TMEM87B: variants seen among roughly 807,000 people sequenced by gnomAD.
TMEM87B encodes the protein transmembrane protein 87B.
A neutral mutation model predicts 80.3 loss-of-function variants in TMEM87B; 83 were observed. The ratio of observed to expected loss-of-function variants is 1.03; its 90% CI spans 0.87 to 1.24. The LOEUF is 1.24. TMEM87B is among the 50% of genes most tolerant of loss of function. The pLI is 0.00. For synonymous variants in TMEM87B, 219 were observed against 230.5 expected (o/e 0.95, Z 0.45); for missense variants, 625 against 674.4 (o/e 0.93, Z 0.81).
At position 112,116,201 on chromosome 2, in the gene TMEM87B, A is replaced by T; in HGVS notation, c.*58A>T. 6.8e-7 allele frequency: 1 copy of T among 1,463,314 alleles called. No individual in the cohort carries two copies. The highest frequency in any genetic ancestry group is 9.4e-7 in the Non-Finnish European group (1 of 1,065,552). The allele number at this position is 1,463,314 out of a possible 1,614,324, so 90.6% of individuals were successfully genotyped here. On this transcript the variant is annotated 3_prime_UTR_variant, in exon 19 of 19. Transcript: ENST00000283206. The stretch of plus-strand genomic sequence containing the variant: ...GAAGGACTATCCTTCATCAAGACTG[A>T]AAGTGAGCTTTGATTTGATATTGCC...
intron 11 of TMEM87B, among the ~76,000 whole-genome samples, chr2:112,094,161 CTTTTTTT>C (rs755031584): frequency 7.8e-6 from 1 of 128,736 alleles, no homozygotes; most frequent in Non-Finnish European, 1.7e-5. Flanking sequence ...ATTTCTTGTT[CTTTTTTT>C]TTTTTTTTTT....
At chr2:112,091,076 G>A (rs1679283463) in intron 10 of TMEM87B, among the ~76,000 whole-genome samples, 1 of 152,002 alleles carries the variant, frequency 6.6e-6, no homozygotes. Flanking sequence ...CATATATATT[G>A]TATTCCTTTA....
intron 8 of TMEM87B, among the ~76,000 whole-genome samples, 178 bp from the exon 9 acceptor site, chr2:112,085,827 G>A (rs1679128010): frequency 6.6e-6 from 1 of 152,224 alleles, no homozygotes; most frequent in Non-Finnish European, 1.5e-5. Flanking sequence ...CTTGAGGCGA[G>A]TATGAATCCT....
chr2:112,072,169 T>A (rs1406152969), intron 4 of TMEM87B, among the ~76,000 whole-genome samples: 1 of 152,230 alleles, frequency 6.6e-6, no homozygotes. Flanking sequence ...GATGTGCTGC[T>A]GGATTTGGTT....
chr2:112,098,795 C>A, intron 14 of TMEM87B, 97 bp downstream of exon 14: 1 of 1,198,618 alleles, frequency 8.3e-7, no homozygotes, highest in Non-Finnish European at 1.2e-6. Flanking sequence ...ATAGTCGTTG[C>A]TTTTAAGGAG....
At position 112,055,448 on chromosome 2, in the gene TMEM87B, G is replaced by A; in HGVS notation, c.-144G>A. 1 of 992,574 alleles carries A rather than the reference G, an allele frequency of 1.0e-6. No individual in the cohort carries two copies. The highest frequency in any genetic ancestry group is 1.4e-6 in the Non-Finnish European group (1 of 724,080). 61.5% of individuals were successfully genotyped at this position (992,574 alleles called of 1,614,324 possible). ...TCCCAGAACTGCACGGCGCCTCTCC[G>A]CCCAGGCCCAAGCGCGAGCCCCTCC... On this transcript the variant is annotated 5_prime_UTR_variant, in exon 1 of 19. Transcript: ENST00000283206.
At chr2:112,098,354 G>T (rs562450977) in intron 13 of TMEM87B, among the ~76,000 whole-genome samples, 2 of 152,108 alleles carry the variant, frequency 1.3e-5, no homozygotes, top group Non-Finnish European at 2.9e-5. Context: ...TGCATCTTTT[G>T]ATTTTGAAAT....
intron 6 of TMEM87B, among the ~76,000 whole-genome samples, chr2:112,077,794 C>G (rs1260986647): frequency 1.3e-5 from 2 of 152,190 alleles, no homozygotes; most frequent in Non-Finnish European, 2.9e-5. Flanking sequence ...ACCCTCTGTG[C>G]CTTGTTAAGC....
At chr2:112,074,668 T>G (rs960016950) in intron 4 of TMEM87B, among the ~76,000 whole-genome samples, 3 of 152,188 alleles carry the variant, frequency 2.0e-5, no homozygotes, top group African/African-American at 4.8e-5. Flanking sequence ...TTCAAGTTGC[T>G]TCCATTCTCC....
chr2:112,101,101 T>G (rs1173444454), intron 15 of TMEM87B, among the ~76,000 whole-genome samples: 2 of 152,198 alleles, frequency 1.3e-5, no homozygotes, highest in Non-Finnish European at 1.5e-5. Context: ...TTAATGATAT[T>G]TTCATTCTTT....
rs767051228 is a variant in TMEM87B at position 112,112,945 on chromosome 2, G to A, written c.1608+16G>A. ...TTCAGATGAGGTAAAATATATTTTT[G>A]CATATTTCCTTGGAGCTGATATTTT... On this transcript the variant is annotated intron_variant, in intron 18 of 18. Transcript: ENST00000283206. 6.2e-7 allele frequency: 1 copy of A among 1,604,498 alleles called. No individual in the cohort carries two copies. Among genetic ancestry groups the A allele is most frequent in the South Asian group, 1.1e-5 (1 of 90,546 alleles).
intron 18 of TMEM87B, among the ~76,000 whole-genome samples, chr2:112,113,335 G>C (rs1453685516): frequency 6.6e-6 from 1 of 152,202 alleles, no homozygotes; most frequent in Non-Finnish European, 1.5e-5. Context: ...ATTAGCTGTG[G>C]ATCACTTGGA....
intron 11 of TMEM87B, 139 bp downstream of exon 11, chr2:112,091,922 G>A (rs1281164677): frequency 1.6e-5 from 10 of 639,556 alleles, no homozygotes; most frequent in Non-Finnish European, 2.7e-5. Flanking sequence ...AGGTGAAAAA[G>A]TAGCAACTAC....
chr2:112,062,140 T>C (rs1678277584), intron 2 of TMEM87B, among the ~76,000 whole-genome samples: 1 of 152,262 alleles, frequency 6.6e-6, no homozygotes, highest in Admixed American at 6.5e-5. Flanking sequence ...CATTCTAATG[T>C]ACACATCTAC....
chr2:112,077,668 T>G (rs1214090133), intron 6 of TMEM87B, among the ~76,000 whole-genome samples: 1 of 152,206 alleles, frequency 6.6e-6, no homozygotes, highest in Admixed American at 6.5e-5. Flanking sequence ...TTTAAGATTT[T>G]TATTATTTGA....
intron 17 of TMEM87B, among the ~76,000 whole-genome samples, chr2:112,109,827 C>T (rs1194222497): frequency 7.9e-5 from 11 of 139,864 alleles, no homozygotes; most frequent in East Asian, 6.5e-4. Flanking sequence ...AGTGCAGTGG[C>T]GTAATCTCAG....
At chr2:112,066,010 C>T (rs1199043864) in intron 3 of TMEM87B, among the ~76,000 whole-genome samples, 1 of 152,316 alleles carries the variant, frequency 6.6e-6, no homozygotes, top group South Asian at 2.1e-4. Flanking sequence ...TGGTCAAGGA[C>T]ATATCTGCAA....
rs1678345891 is a variant in TMEM87B at position 112,064,194 on chromosome 2, T to TTTAC, written c.260_263dup (p.Ile89TyrfsTer14). ...ATTCCATTGTTCTGGGCCTGTGAAG[T>TTTAC]TTACCATAGTGTGGCATTTGAAGTA... On this transcript the variant is annotated frameshift_variant, in exon 3 of 19. Transcript: ENST00000283206. LOFTEE classifies it high-confidence loss of function. 6.2e-7 allele frequency: 1 copy of TTTAC among 1,613,710 alleles called. No individual in the cohort carries two copies. The highest frequency in any genetic ancestry group is 1.3e-5 in the African/African-American group (1 of 74,906).
intron 3 of TMEM87B, among the ~76,000 whole-genome samples, chr2:112,064,813 G>A (rs1330800265): frequency 6.6e-6 from 1 of 152,164 alleles, no homozygotes; most frequent in Non-Finnish European, 1.5e-5. Flanking sequence ...CGTGATAGTT[G>A]CTTGGGATTG....
Sources: allele counts gnomAD v4.1 joint callset (sites outside exome capture counted in the v4.1 genomes callset), GRCh38; gene constraint gnomAD v4.1.1; transcripts MANE v1.5; gene names NCBI Gene and HGNC (gene_info 2026-07-23, HGNC 2026-07-21).